PTPRH: variants seen among roughly 807,000 people sequenced by gnomAD.
PTPRH encodes receptor-type tyrosine-protein phosphatase H.
In PTPRH, 113 loss-of-function variants were observed where a neutral mutation model predicts 130.2. That is an observed-to-expected ratio of 0.87 (90% confidence interval 0.75 to 1.01). PTPRH has a LOEUF of 1.01. Ranked by LOEUF, PTPRH falls within the 50% of genes least tolerant of loss-of-function variation. PTPRH has a pLI of 0.00. For missense variants in PTPRH, 1,430 were observed against 1,425.0 expected, an observed-to-expected ratio of 1.00 and a Z score of -0.06; for synonymous variants, 556 against 577.9, an observed-to-expected ratio of 0.96 and a Z score of 0.54.
intron 4 of PTPRH, 57 bp from the exon 5 acceptor site, chr19:55,204,105 C>A (rs1443340959): frequency 7.4e-6 from 11 of 1,495,344 alleles, no homozygotes; most frequent in African/African-American, 1.4e-5. Context: ...ATAACGGGGG[C>A]AGCCAGTGAG....
chr19:55,185,250 C>T (rs901264039), intron 18 of PTPRH, among the ~76,000 whole-genome samples: 1 of 152,176 alleles, frequency 6.6e-6, no homozygotes, highest in Non-Finnish European at 1.5e-5. Context: ...GCCTTGGCCT[C>T]CCAAAGTGCT....
chr19:55,206,325 T>C (rs1165912368), intron 3 of PTPRH, among the ~76,000 whole-genome samples: 2 of 151,250 alleles, frequency 1.3e-5, no homozygotes, highest in African/African-American at 4.9e-5. Context: ...TTTGTTTTCT[T>C]TTCTTTTTTT....
chr19:55,200,297 G>A lies in PTPRH; in HGVS notation c.1359C>T (p.Phe453=). ...CTCCATTTTTTTCTGCCCATACAGA[G>A]AATGTGTACAAGGTTCCGGGCTCAA... ...ERLEPGTLYT[F]SVWAEKNGAR... Residue 453 remains phenylalanine (F), a synonymous_variant, in exon 7 of 20, where the codon TTC becomes TTT. Transcript: ENST00000376350. 8 of 1,614,212 alleles carry A rather than the reference G, an allele frequency of 5.0e-6. No individual in the cohort carries two copies. The highest frequency in any genetic ancestry group is 1.7e-5 in the Admixed American group (1 of 60,022).
rs45493898 is a variant in PTPRH at position 55,203,991 on chromosome 19, A to G, written c.677T>C (p.Leu226Pro). 0.041 allele frequency: 65,570 copies of G among 1,614,120 alleles called. 1,682 individuals are homozygous for G. Among genetic ancestry groups the G allele is most frequent in the Non-Finnish European group, 0.048 (56,825 of 1,179,948 alleles). Residue 226 changes from leucine (L) to proline (P), a missense_variant, in exon 5 of 20, where the codon CTG (leucine) becomes CCG (proline). Leu to Pro is a moderately conservative substitution (Grantham distance 98). Coordinates refer to ENST00000376350, the MANE Select transcript of PTPRH (RefSeq NM_002842.5). ...TGTGCCATCGGGGACCTCCCAGCTC[A>G]GGGAGATGGAGCTGGTGGTCTGAGC... is the stretch of plus-strand genomic sequence containing the variant. ...VEAQTTSSIS[L>P]SWEVPDGTDP...
chr19:55,190,323 T>G (rs2086488301), intron 12 of PTPRH, among the ~76,000 whole-genome samples: 2 of 146,580 alleles, frequency 1.4e-5, no homozygotes, highest in South Asian at 4.3e-4. Flanking sequence ...TGAGCCGAGA[T>G]CATGCCACTG....
chr19:55,185,771 G>A (rs1312151816), intron 17 of PTPRH, 91 bp downstream of exon 17: 86 of 1,602,854 alleles, frequency 5.4e-5, no homozygotes, highest in Non-Finnish European at 7.2e-5. Flanking sequence ...CAGAGGAGTG[G>A]GTGGAAGGTT....
intron 10 of PTPRH, among the ~76,000 whole-genome samples, chr19:55,195,990 G>A (rs1338330020): frequency 1.3e-5 from 2 of 152,114 alleles, no homozygotes; most frequent in East Asian, 1.9e-4. Context: ...GTGGCTCAGC[G>A]GGGTGAGCTT....
intron 2 of PTPRH, 77 bp downstream of exon 2, chr19:55,207,089 G>A (rs2087090172): frequency 1.9e-6 from 3 of 1,593,838 alleles, no homozygotes; most frequent in Non-Finnish European, 2.6e-6. Context: ...GGACCCCACG[G>A]GGACCCCCCA....
chr19:55,206,126 G>C (rs573097884), intron 3 of PTPRH, among the ~76,000 whole-genome samples: 10 of 151,840 alleles, frequency 6.6e-5, no homozygotes, highest in African/African-American at 1.9e-4. Context: ...TCTGCTACTC[G>C]GGAGGCTGAG....
chr19:55,183,684 G>T (rs563106334), intron 18 of PTPRH, among the ~76,000 whole-genome samples: 2 of 151,608 alleles, frequency 1.3e-5, no homozygotes, highest in Non-Finnish European at 2.9e-5. Flanking sequence ...AGATCGCACC[G>T]TTGCACTCCA....
rs192906372 is a variant in PTPRH at position 55,193,998 on chromosome 19, G to A, written c.2258-2257C>T. ...TGAGTAGTTGGGATGACAGACACGC[G>A]CCACCACGCCCAGCTAATTTTTTGT... On this transcript the variant is annotated intron_variant, in intron 10 of 19. Transcript: ENST00000376350. 374 of 391,420 alleles carry A rather than the reference G, an allele frequency of 9.6e-4. 2 individuals are homozygous for A. The highest frequency in any genetic ancestry group is 9.6e-4 in the Non-Finnish European group (207 of 216,484). 24.2% of individuals were successfully genotyped at this position (391,420 alleles called of 1,614,324 possible). A position where few individuals can be genotyped will look rare whatever the true frequency, so the allele number is the denominator to read the frequency against.
chr19:55,202,155 T>C lies in PTPRH; in HGVS notation c.1054A>G (p.Thr352Ala). The C allele has an allele frequency of 6.2e-7, 1 of 1,614,072 alleles. No individual in the cohort carries two copies. The change falls in exon 6 of 20, where the codon ACC becomes GCC. Residue 352 changes from threonine (T) to alanine (A), a missense_variant. Coordinates refer to ENST00000376350, the MANE Select transcript of PTPRH (RefSeq NM_002842.5). Reference sequence around the variant, plus strand: ...CACCCGGGTTCAAGTCTATCCACGGTGATGTTGGTGTGTGCTGTGCTTCGA... The same window carrying C: ...CACCCGGGTTCAAGTCTATCCACGGCGATGTTGGTGTGTGCTGTGCTTCGA... ...GTRSTAHTNI[T>A]VDRLEPGCLY...
rs746922942 is a variant in PTPRH at position 55,198,873 on chromosome 19, G to T, written c.1460C>A (p.Thr487Asn). The change falls in exon 8 of 20, where the codon ACC becomes AAC. Residue 487 changes from threonine (T) to asparagine (N), a missense_variant. By Grantham distance (65) the Thr-to-Asn change is moderately conservative. Transcript: ENST00000376350. ...CCAGCGCAAAGCAATGGTGCTGTTG[G>T]TCCAGTCCTGCTTGCTGAGGCTTGT... ...AVTSLSKQDW[T>N]NSTIALRWTA... 11 of 1,544,526 alleles carry T rather than the reference G, an allele frequency of 7.1e-6. No homozygotes were observed. In the Admixed American group the frequency reaches 9.7e-5, roughly 14 times the overall value.
chr19:55,183,499 G>A lies in PTPRH; in HGVS notation c.3063-1348C>T, dbSNP rs144910078. On this transcript the variant is annotated intron_variant, in intron 18 of 19. Transcript: ENST00000376350. The stretch of plus-strand genomic sequence containing the variant: ...AGCACTTTGGGAGGCTGAAGCAGGC[G>A]GATCACCGGAGGTCAGGCGTTGGAG... 4.0e-3 allele frequency among the ~76,000 whole-genome samples: 608 copies of A among 152,186 alleles called. 2 individuals carry two copies. The highest frequency in any genetic ancestry group is 0.013 in the African/African-American group (560 of 41,520).
chr19:55,199,852 GAGGA>G (rs1368137421), intron 7 of PTPRH, among the ~76,000 whole-genome samples: 5 of 147,950 alleles, frequency 3.4e-5, no homozygotes, highest in Middle Eastern at 3.5e-3. Flanking sequence ...GGAGGGAAGG[GAGGA>G]AGGAAGGCTT....
chr19:55,200,430 G>C lies in PTPRH; in HGVS notation c.1226C>G (p.Pro409Arg). The C allele has an allele frequency of 6.2e-7, 1 of 1,614,174 alleles. No homozygotes were observed. Among genetic ancestry groups the C allele is most frequent in the Non-Finnish European group, 8.5e-7 (1 of 1,180,030 alleles). Residue 409 changes from proline (P) to arginine (R), a missense_variant, in exon 7 of 20, where the codon CCC (proline) becomes CGC (arginine). Transcript: ENST00000376350. ...NSSIALCWEV[P>R]DGPYPQDYTY... The stretch of plus-strand genomic sequence containing the variant: ...GTAGTCCTGAGGGTATGGGCCATCG[G>C]GGACTTCCCAGCATAGGGCGATGGA...
chr19:55,186,590 A>G (rs2086339571), intron 14 of PTPRH, 50 bp from the exon 15 acceptor site: 1 of 1,598,036 alleles, frequency 6.3e-7, no homozygotes, highest in African/African-American at 1.3e-5. Context: ...AGAGAGGCAC[A>G]GAGACAAGAC....
chr19:55,194,025 T>C (rs1250533408), intron 10 of PTPRH: 8 of 529,922 alleles, frequency 1.5e-5, no homozygotes, highest in Non-Finnish European at 2.3e-5. Context: ...ATTTTTTGTA[T>C]TTTTAGTAGA....
Position 55,198,864 on chromosome 19 carries a change from G to A in PTPRH, c.1469C>T (p.Thr490Ile), listed in dbSNP as rs1472274345. 6.4e-7 allele frequency: 1 copy of A among 1,564,594 alleles called. No individual in the cohort carries two copies. The highest frequency in any genetic ancestry group is 1.4e-5 in the African/African-American group (1 of 73,786). Residue 490 changes from threonine to isoleucine, a missense_variant, in exon 8 of 20, where the codon ACC becomes ATC. Thr to Ile is a moderately conservative substitution (Grantham distance 89, BLOSUM62 -1). Transcript: ENST00000376350. Reference sequence around the variant, plus strand: ...GGGAGCTGTCCAGCGCAAAGCAATGGTGCTGTTGGTCCAGTCCTGCTTGCT... The same window carrying A: ...GGGAGCTGTCCAGCGCAAAGCAATGATGCTGTTGGTCCAGTCCTGCTTGCT... ...SLSKQDWTNS[T>I]IALRWTAPQG...
Sources: gnomAD v4.1 joint callset for allele counts (sites outside exome capture counted in the v4.1 genomes callset) on GRCh38, gnomAD v4.1.1 for gene constraint, MANE v1.5 for transcripts, NCBI Gene and HGNC (gene_info 2026-07-23, HGNC 2026-07-21) for gene names.